PMFBP1: variants seen among roughly 807,000 people sequenced by gnomAD.
The protein encoded by PMFBP1 is polyamine modulated factor 1 binding protein 1.
In PMFBP1, 131 loss-of-function variants were observed where a neutral mutation model predicts 137.8. That is an observed-to-expected ratio of 0.95 (90% CI 0.82 to 1.10). PMFBP1 has a LOEUF of 1.10. Among genes scored for constraint, PMFBP1 ranks in the 50% least tolerant of loss-of-function variants. PMFBP1 has a pLI of 0.00. For synonymous variants in PMFBP1, 490 were observed against 450.4 expected (o/e 1.09, Z -1.11); for missense variants, 1,199 against 1,175.4 (o/e 1.02, Z -0.29).
chr16:72,226,979 T>G, the PMFBP1 span, among the ~76,000 whole-genome samples: 3 of 152,100 alleles, frequency 2.0e-5, no homozygotes, highest in African/African-American at 7.2e-5. Flanking sequence ...TATTACCAAA[T>G]AGCTGAGACC....
At chr16:72,137,101 T>C (rs540570433) in intron 7 of PMFBP1, among the ~76,000 whole-genome samples, 1 of 152,282 alleles carries the variant, frequency 6.6e-6, no homozygotes, top group East Asian at 1.9e-4. Context: ...TGTCTCCCAA[T>C]GAAATTTTTT....
chr16:72,156,897 G>A (rs1161906888), intron 3 of PMFBP1, among the ~76,000 whole-genome samples: 1 of 151,900 alleles, frequency 6.6e-6, no homozygotes, highest in Non-Finnish European at 1.5e-5. Flanking sequence ...ATATAAAACA[G>A]ACAAAATCGG....
At chr16:72,224,146 T>G in the PMFBP1 span, among the ~76,000 whole-genome samples, 1 of 152,172 alleles carries the variant, frequency 6.6e-6, no homozygotes. Context: ...CTTGAGAAGT[T>G]TCATCAGCAA....
intron 2 of PMFBP1, among the ~76,000 whole-genome samples, chr16:72,168,757 A>ACAG (rs2043181367): frequency 6.6e-6 from 1 of 152,202 alleles, no homozygotes; most frequent in South Asian, 2.1e-4. Context: ...GAAACATATG[A>ACAG]CAGCAGCAGC....
intron 3 of PMFBP1, among the ~76,000 whole-genome samples, chr16:72,155,659 G>A (rs981048684): frequency 2.6e-5 from 4 of 152,156 alleles, no homozygotes; most frequent in African/African-American, 7.2e-5. Context: ...TTCTAATACC[G>A]TGGCTTTCAA....
chr16:72,198,868 T>C, the PMFBP1 span, among the ~76,000 whole-genome samples: 1 of 128,768 alleles, frequency 7.8e-6, no homozygotes, highest in South Asian at 2.6e-4. Context: ...CGGCCGCCGA[T>C]CACAGAACAC....
chr16:72,184,915 A>T, the PMFBP1 span, among the ~76,000 whole-genome samples: 1 of 152,184 alleles, frequency 6.6e-6, no homozygotes, highest in African/African-American at 2.4e-5. Context: ...ACAACTAGAG[A>T]TACGATCATG....
In PMFBP1 at chr16:72,125,333, G is replaced by C; in HGVS notation, c.2326C>G (p.Leu776Val). The C allele has an allele frequency of 1.9e-6, 3 of 1,614,138 alleles. No homozygotes were observed. The highest frequency in any genetic ancestry group is 2.5e-6 in the Non-Finnish European group (3 of 1,180,024). ...LTQTQEKKAQ[L>V]EEEIIAYEER... is the part of the protein sequence containing the mutation. The stretch of plus-strand genomic sequence containing the variant: ...TCATAAGCAATGATTTCCTCTTCCA[G>C]CTGAGCTTTCTTCTCTTGGGTCTGT... Residue 776 changes from leucine to valine, a missense_variant, in exon 16 of 21, where the codon CTG (leucine) becomes GTG (valine). Transcript: ENST00000237353.
At chr16:72,138,401 C>T (rs11640722) in intron 7 of PMFBP1, among the ~76,000 whole-genome samples, 18,712 of 152,262 alleles carry the variant, frequency 0.12, 1,613 homozygotes, top group South Asian at 0.18. Context: ...CCAGCATGGC[C>T]TCCTGTGGCT....
chr16:72,156,252 G>C (rs1189349377), intron 3 of PMFBP1, among the ~76,000 whole-genome samples: 1 of 152,114 alleles, frequency 6.6e-6, no homozygotes, highest in Non-Finnish European at 1.5e-5. Context: ...CTCCCAAAGT[G>C]CTGGGATTAC....
chr16:72,203,637 C>A, the PMFBP1 span, among the ~76,000 whole-genome samples: 1 of 152,100 alleles, frequency 6.6e-6, no homozygotes, highest in Non-Finnish European at 1.5e-5. Flanking sequence ...TGGCCACTTT[C>A]TAATTATATC....
intron 2 of PMFBP1, among the ~76,000 whole-genome samples, chr16:72,169,415 A>G (rs1255780835): frequency 6.6e-6 from 1 of 152,206 alleles, no homozygotes; most frequent in African/African-American, 2.4e-5. Context: ...TTCCATTTAT[A>G]GAAATATTAC....
chr16:72,233,988 A>G, the PMFBP1 span, among the ~76,000 whole-genome samples: 1 of 152,110 alleles, frequency 6.6e-6, no homozygotes, highest in Non-Finnish European at 1.5e-5. Context: ...CAGTTGATTG[A>G]CATTTGGGCT....
chr16:72,197,078 G>A, the PMFBP1 span, among the ~76,000 whole-genome samples: 1 of 152,150 alleles, frequency 6.6e-6, no homozygotes, highest in East Asian at 1.9e-4. Context: ...CTGCCCCTTT[G>A]TACAAAGTGG....
chr16:72,163,350 AG>A (rs2043092071), intron 3 of PMFBP1, among the ~76,000 whole-genome samples: 1 of 152,252 alleles, frequency 6.6e-6, no homozygotes, highest in African/African-American at 2.4e-5. Context: ...CCTTAGATTT[AG>A]AGCTTCCAAA....
intron 5 of PMFBP1, among the ~76,000 whole-genome samples, chr16:72,144,427 T>C (rs964104771): frequency 1.3e-5 from 2 of 152,064 alleles, no homozygotes; most frequent in Non-Finnish European, 2.9e-5. Context: ...GCACACGAAC[T>C]GGCAGAAAGA....
At chr16:72,246,507 A>C in the PMFBP1 span, among the ~76,000 whole-genome samples, 2 of 151,938 alleles carry the variant, frequency 1.3e-5, no homozygotes, top group East Asian at 3.9e-4. Context: ...TTCGTGCCTT[A>C]ATGTCCTCAC....
the PMFBP1 span, among the ~76,000 whole-genome samples, chr16:72,227,035 A>G: frequency 1.3e-5 from 2 of 152,134 alleles, no homozygotes; most frequent in African/African-American, 4.8e-5. Context: ...AATGTAACTA[A>G]ACCAAGAAGA....
the PMFBP1 span, among the ~76,000 whole-genome samples, chr16:72,227,983 C>T: frequency 3.6e-4 from 55 of 152,304 alleles, no homozygotes; most frequent in Admixed American, 9.8e-4. Context: ...ATATCTTCCC[C>T]GTAGCCCCCA....
Sources: gnomAD v4.1 joint callset for allele counts (sites outside exome capture counted in the v4.1 genomes callset) on GRCh38, gnomAD v4.1.1 for gene constraint, MANE v1.5 for transcripts, NCBI Gene and HGNC (gene_info 2026-07-23, HGNC 2026-07-21) for gene names.